The following SPATA6 variants were observed in gnomAD, a reference collection of about 807,000 sequenced individuals.
SPATA6 encodes the protein spermatogenesis associated 6.
A neutral mutation model predicts 65.3 loss-of-function variants in SPATA6; 56 were observed. The observed-to-expected ratio is 0.86, with a 90% confidence interval of 0.69 to 1.07. SPATA6 has a LOEUF of 1.07. SPATA6 is among the 50% of genes least tolerant of loss of function. The pLI is 0.00. For missense variants in SPATA6, 590 were observed against 594.8 expected, an observed-to-expected ratio of 0.99 and a Z score of 0.08; for synonymous variants, 199 against 213.2, an observed-to-expected ratio of 0.93 and a Z score of 0.58.
chr1:48,413,974 T>C (rs1652519571), intron 3 of SPATA6, among the ~76,000 whole-genome samples: 1 of 152,246 alleles, frequency 6.6e-6, no homozygotes, highest in Non-Finnish European at 1.5e-5. Context: ...ATAAATTGTC[T>C]GTTTGAAACG....
intron 9 of SPATA6, among the ~76,000 whole-genome samples, chr1:48,372,551 C>G (rs1190801612): frequency 6.6e-6 from 1 of 152,200 alleles, no homozygotes; most frequent in African/African-American, 2.4e-5. Flanking sequence ...TGCAAGCTGT[C>G]AGTAGATCTA....
At chr1:48,414,124 T>G (rs1417860134) in intron 3 of SPATA6, among the ~76,000 whole-genome samples, 1 of 152,164 alleles carries the variant, frequency 6.6e-6, no homozygotes, top group Non-Finnish European at 1.5e-5. Context: ...TCGCCTGAAC[T>G]GATGAATTGC....
At chr1:48,289,311 C>T in the SPATA6 span, among the ~76,000 whole-genome samples, 1 of 152,202 alleles carries the variant, frequency 6.6e-6, no homozygotes, top group Admixed American at 6.5e-5. Flanking sequence ...AACTAAAAAA[C>T]AGAAAGGACA....
At chr1:48,464,381 C>G (rs1305246181) in intron 1 of SPATA6, among the ~76,000 whole-genome samples, 10 of 152,114 alleles carry the variant, frequency 6.6e-5, no homozygotes, top group South Asian at 6.2e-4. Context: ...CAAACAACGT[C>G]ATTTTCCACA....
At chr1:48,456,675 G>A (rs943312298) in intron 1 of SPATA6, among the ~76,000 whole-genome samples, 4 of 152,032 alleles carry the variant, frequency 2.6e-5, no homozygotes, top group Non-Finnish European at 4.4e-5. Context: ...TATCAATAAA[G>A]AGATAAAAAT....
the SPATA6 span, among the ~76,000 whole-genome samples, chr1:48,290,315 C>G: frequency 2.0e-4 from 30 of 152,226 alleles, no homozygotes; most frequent in African/African-American, 7.0e-4. Context: ...ATTTTGTCAC[C>G]ACCAGGCCTG....
At chr1:48,364,697 A>G (rs1183907581) in intron 9 of SPATA6, among the ~76,000 whole-genome samples, 2 of 152,162 alleles carry the variant, frequency 1.3e-5, no homozygotes, top group African/African-American at 4.8e-5. Context: ...TCTGGATGTT[A>G]GCCCTTTGGC....
intron 3 of SPATA6, chr1:48,436,106 G>C: frequency 6.2e-7 from 1 of 1,610,050 alleles, no homozygotes; most frequent in Non-Finnish European, 8.5e-7. Context: ...ACTAGAGCCA[G>C]TGAAGTACTA....
chr1:48,416,347 A>T (rs565804519), intron 3 of SPATA6, among the ~76,000 whole-genome samples: 1 of 152,290 alleles, frequency 6.6e-6, no homozygotes, highest in Admixed American at 6.5e-5. Context: ...ATATCCATAT[A>T]TATATAGATA....
At chr1:48,271,415 TG>T in the SPATA6 span, among the ~76,000 whole-genome samples, 2 of 152,172 alleles carry the variant, frequency 1.3e-5, no homozygotes, top group East Asian at 3.8e-4. Flanking sequence ...TTGAGTACTG[TG>T]GGTACAACCA....
At chr1:48,315,210 G>C (rs936434448) in intron 11 of SPATA6, among the ~76,000 whole-genome samples, 1 of 152,132 alleles carries the variant, frequency 6.6e-6, no homozygotes, top group Non-Finnish European at 1.5e-5. Flanking sequence ...GCATCATCCT[G>C]ATACCAAAGC....
At chr1:48,355,080 G>A (rs899600635) in intron 11 of SPATA6, among the ~76,000 whole-genome samples, 1 of 151,988 alleles carries the variant, frequency 6.6e-6, no homozygotes, top group African/African-American at 2.4e-5. Flanking sequence ...ACTAATGAAT[G>A]AAACAAGGGA....
At chr1:48,409,409 T>G (rs1169874137) in intron 5 of SPATA6, among the ~76,000 whole-genome samples, 1 of 152,234 alleles carries the variant, frequency 6.6e-6, no homozygotes, top group African/African-American at 2.4e-5. Context: ...CTTCACTGGT[T>G]GGCACTGAGT....
chr1:48,368,525 C>T (rs1210007384), intron 9 of SPATA6, among the ~76,000 whole-genome samples: 1 of 152,188 alleles, frequency 6.6e-6, no homozygotes, highest in Non-Finnish European at 1.5e-5. Context: ...AACTCCCCTT[C>T]TCGCTTCATT....
At chr1:48,290,168 A>C in the SPATA6 span, among the ~76,000 whole-genome samples, 1 of 152,230 alleles carries the variant, frequency 6.6e-6, no homozygotes, top group Non-Finnish European at 1.5e-5. Context: ...AAACTTTACA[A>C]GCCAGAAGAG....
intron 3 of SPATA6, among the ~76,000 whole-genome samples, chr1:48,414,950 A>T (rs1652615467): frequency 6.6e-6 from 1 of 152,110 alleles, no homozygotes; most frequent in African/African-American, 2.4e-5. Context: ...AGGAAACAAC[A>T]TGTAAGAACA....
intron 11 of SPATA6, among the ~76,000 whole-genome samples, chr1:48,315,413 C>T (rs1472968388): frequency 6.6e-6 from 1 of 151,626 alleles, no homozygotes; most frequent in East Asian, 1.9e-4. Flanking sequence ...CATAATCCAA[C>T]ATATAAACAG....
chr1:48,436,312 C>A lies in SPATA6; in HGVS notation c.238+15240G>T. 1.9e-6 allele frequency: 3 copies of A among 1,613,228 alleles called. No homozygotes were observed. The South Asian group carries it at 3.3e-5, about 18-fold the overall frequency. ...CGTGATTCTATCCCACTTTTTCCGGCATCCCAATATTACAACTTACTGGAC... is the reference window on the plus strand; with the variant it reads ...CGTGATTCTATCCCACTTTTTCCGGAATCCCAATATTACAACTTACTGGAC... On this transcript the variant is annotated intron_variant, in intron 3 of 12. Transcript: ENST00000371847.
chr1:48,302,603 T>C (rs528373509), intron 12 of SPATA6, among the ~76,000 whole-genome samples: 1 of 152,326 alleles, frequency 6.6e-6, no homozygotes, highest in South Asian at 2.1e-4. Context: ...GTGGCTTTGG[T>C]AATATATTCA....
Sources: allele counts gnomAD v4.1 joint callset (sites outside exome capture counted in the v4.1 genomes callset), GRCh38; gene constraint gnomAD v4.1.1; transcripts MANE v1.5; gene names NCBI Gene and HGNC (gene_info 2026-07-23, HGNC 2026-07-21).